The following PFKFB1 variants were observed in gnomAD, a reference collection of about 807,000 sequenced individuals.
The protein encoded by PFKFB1 is 6-phosphofructo-2-kinase/fructose-2,6-biphosphatase 1.
In PFKFB1, 34 loss-of-function variants were observed where a neutral mutation model predicts 46.4. The observed-to-expected ratio is 0.73, with a 90% CI of 0.56 to 0.98. PFKFB1 has a LOEUF of 0.98. PFKFB1 is among the 50% of genes least tolerant of loss of function. The probability of loss-of-function intolerance (pLI) is 0.00; values close to 1 mark genes in which losing one functional copy is unlikely to be tolerated. For missense variants in PFKFB1, 393 were observed against 376.3 expected (o/e 1.04, Z -0.37); for synonymous variants, 119 against 133.8 (o/e 0.89, Z 0.76).
intron 1 of PFKFB1, among the ~76,000 whole-genome samples, chrX:54,988,322 T>C (rs753130542): frequency 3.0e-4 from 33 of 111,625 alleles, no homozygotes; most frequent in Non-Finnish European, 4.7e-4. Flanking sequence ...CATTGGTGAA[T>C]ATAATTAAAG....
intron 10 of PFKFB1, among the ~76,000 whole-genome samples, chrX:54,944,464 A>C (rs1933743978): frequency 1.8e-5 from 2 of 111,913 alleles, no homozygotes; most frequent in Admixed American, 1.9e-4. Flanking sequence ...ACGAAACCCA[A>C]CTATAAGCTG....
At chrX:54,959,513 G>C (rs989254919) in intron 4 of PFKFB1, among the ~76,000 whole-genome samples, 3 of 111,678 alleles carry the variant, frequency 2.7e-5, no homozygotes, top group African/African-American at 9.8e-5. Context: ...GAATTATTGG[G>C]GGTAGACTGG....
upstream of PFKFB1, chrX:54,998,543 C>A: frequency 1.6e-6 from 1 of 607,890 alleles, no homozygotes; most frequent in Non-Finnish European, 2.6e-6. Context: ...CCTGAGAAGG[C>A]TGAGGACGTA....
intron 9 of PFKFB1, among the ~76,000 whole-genome samples, chrX:54,946,127 T>C (rs1219777233): frequency 9.0e-6 from 1 of 110,942 alleles, no homozygotes; most frequent in Non-Finnish European, 1.9e-5. Context: ...AATGTATATG[T>C]CCCTCATTAT....
intron 1 of PFKFB1, among the ~76,000 whole-genome samples, chrX:54,966,742 C>T (rs185845504): frequency 1.8e-5 from 2 of 111,418 alleles, no homozygotes; most frequent in East Asian, 5.7e-4. Context: ...CCTCTCTCAT[C>T]CTCACTCTCT....
At chrX:54,951,367 C>T (rs1221618269) in intron 8 of PFKFB1, among the ~76,000 whole-genome samples, 1 of 111,687 alleles carries the variant, frequency 9.0e-6, no homozygotes, top group African/African-American at 3.3e-5. Flanking sequence ...AGGTGCTGGG[C>T]CTTGGAAGGG....
chrX:54,982,709 C>A (rs1935025385), intron 1 of PFKFB1, among the ~76,000 whole-genome samples: 1 of 110,770 alleles, frequency 9.0e-6, no homozygotes. Flanking sequence ...TAGAACCAAT[C>A]CTCTGCAGAT....
chrX:54,977,560 T>G (rs764958958), intron 1 of PFKFB1, among the ~76,000 whole-genome samples: 1 of 111,513 alleles, frequency 9.0e-6, no homozygotes, highest in South Asian at 3.7e-4. Context: ...AGAAATGGTA[T>G]TAACTCATGT....
chrX:54,982,092 C>T (rs1455274548), intron 1 of PFKFB1, among the ~76,000 whole-genome samples: 1 of 111,478 alleles, frequency 9.0e-6, no homozygotes, highest in Non-Finnish European at 1.9e-5. Context: ...AACAGGCACT[C>T]GAATAATCCT....
intron 1 of PFKFB1, among the ~76,000 whole-genome samples, chrX:54,977,912 C>A (rs1344083093): frequency 9.0e-6 from 1 of 110,989 alleles, no homozygotes; most frequent in Non-Finnish European, 1.9e-5. Flanking sequence ...GCATACATGT[C>A]ATTATAAATT....
Position 54,952,056 on chromosome X carries a change from A to AC in PFKFB1, c.694dup (p.Val232GlyfsTer32). 8.3e-7 allele frequency: 1 copy of AC among 1,211,143 alleles called. No homozygotes were observed. Among genetic ancestry groups the AC allele is most frequent in the Non-Finnish European group, 1.1e-6 (1 of 895,025 alleles). On this transcript the variant is annotated frameshift_variant, in exon 8 of 14. Transcript: ENST00000375006. LOFTEE classifies it high-confidence loss of function. ...TGTGCGGCTCTGGATGTGATCCTGC[A>AC]CTCGGTTCACCATGTAGCGTGTGCC...
intron 1 of PFKFB1, among the ~76,000 whole-genome samples, chrX:54,977,937 G>A (rs1175380840): frequency 9.0e-6 from 1 of 111,000 alleles, no homozygotes; most frequent in African/African-American, 3.3e-5. Context: ...CAAGCCTATA[G>A]AATGTGCAAC....
At chrX:54,941,383 A>T (rs771501740) in intron 10 of PFKFB1, among the ~76,000 whole-genome samples, 3 of 112,253 alleles carry the variant, frequency 2.7e-5, no homozygotes, top group Admixed American at 9.5e-5. Context: ...AAGCCAAAAC[A>T]GACAAATGGG....
At chrX:54,971,655 C>T (rs1206749165) in intron 1 of PFKFB1, among the ~76,000 whole-genome samples, 11 of 111,156 alleles carry the variant, frequency 9.9e-5, no homozygotes, top group Admixed American at 4.8e-4. Flanking sequence ...TGTAGATATG[C>T]GGCATTATTT....
At chrX:54,955,485 T>A (rs758411206) in intron 7 of PFKFB1, among the ~76,000 whole-genome samples, 1 of 111,472 alleles carries the variant, frequency 9.0e-6, no homozygotes, top group Non-Finnish European at 1.9e-5. Context: ...ATTTCTTGTT[T>A]TTTTTTATGG....
At chrX:54,983,255 C>T (rs1432752138) in intron 1 of PFKFB1, among the ~76,000 whole-genome samples, 2 of 111,188 alleles carry the variant, frequency 1.8e-5, no homozygotes, top group African/African-American at 6.5e-5. Flanking sequence ...ATTATTTTGT[C>T]ACCCAGGTGT....
At chrX:54,996,491 T>C (rs1189712281), upstream of PFKFB1, among the ~76,000 whole-genome samples, 3 of 112,337 alleles carry the variant, frequency 2.7e-5, no homozygotes, top group East Asian at 2.8e-4. Flanking sequence ...AAATCTGAGA[T>C]AAGAAGCTGG....
intron 1 of PFKFB1, 149 bp downstream of exon 1, chrX:54,993,762 G>A: frequency 1.3e-6 from 1 of 791,125 alleles, no homozygotes; most frequent in Non-Finnish European, 1.8e-6. Flanking sequence ...TCACGTTTTT[G>A]ACACTAGCCT....
chrX:54,948,948 G>T, intron 9 of PFKFB1, 127 bp downstream of exon 9: 1 of 692,829 alleles, frequency 1.4e-6, no homozygotes, highest in Non-Finnish European at 2.2e-6. Context: ...CTAGCACATG[G>T]CTAGTTGTCA....
Sources: allele counts gnomAD v4.1 joint callset (sites outside exome capture counted in the v4.1 genomes callset), GRCh38; gene constraint gnomAD v4.1.1; transcripts MANE v1.5; gene names NCBI Gene and HGNC (gene_info 2026-07-23, HGNC 2026-07-21).